Variants in CCDC92B observed in about 807,000 individuals in gnomAD.
The protein encoded by CCDC92B is coiled-coil domain containing 92B, also known as coiled-coil domain-containing 92B.
A neutral mutation model predicts 5.6 loss-of-function variants in CCDC92B; 2 were observed. That is an observed-to-expected ratio of 0.36 (90% CI 0.15 to 1.12). The LOEUF is 1.12. Among genes scored for constraint, CCDC92B ranks in the 50% most tolerant of loss-of-function variants. The pLI is 0.40. For synonymous variants in CCDC92B, 115 were observed against 122.3 expected (o/e 0.94, Z 0.39); for missense variants, 271 against 262.2 (o/e 1.03, Z -0.23).
In CCDC92B at chr17:2,722,511, TG is replaced by T. The variant is rs1222076457; in HGVS notation, c.*1899del. ...TTGGGCAGTCCCGAGTGGCGTCAGCTGGGAGAGCCGCACATTGCTTGGCCCT... is the reference window on the plus strand; with the variant it reads ...TTGGGCAGTCCCGAGTGGCGTCAGCTGGAGAGCCGCACATTGCTTGGCCCT... On this transcript the variant is annotated 3_prime_UTR_variant, in exon 4 of 4. Coordinates refer to ENST00000614400, the MANE Select transcript of CCDC92B (RefSeq NM_001355573.2). The T allele has an allele frequency of 6.6e-6, 1 of 152,248 alleles. No individual in the cohort carries two copies. Among genetic ancestry groups the T allele is most frequent in the Non-Finnish European group, 1.5e-5 (1 of 68,068 alleles). The allele number at this position is 152,248 out of a possible 1,614,324, so 9.4% of individuals were successfully genotyped here.
intron 3 of CCDC92B, among the ~76,000 whole-genome samples, chr17:2,729,272 C>T (rs868703355): frequency 3.9e-5 from 6 of 152,094 alleles, no homozygotes; most frequent in Non-Finnish European, 5.9e-5. Context: ...GGGTGGATCA[C>T]CTGAGGTCAA....
intron 3 of CCDC92B, among the ~76,000 whole-genome samples, chr17:2,727,787 G>A (rs968279136): frequency 2.7e-5 from 4 of 149,952 alleles, no homozygotes; most frequent in Admixed American, 6.7e-5. Flanking sequence ...TCGCGCCACT[G>A]CACTCCAGCC....
At chr17:2,736,194 T>A (rs1424265958) in intron 1 of CCDC92B, among the ~76,000 whole-genome samples, 1 of 151,792 alleles carries the variant, frequency 6.6e-6, no homozygotes, top group Non-Finnish European at 1.5e-5. Context: ...TTTGGGAGCT[T>A]GAGGTGGGAG....
chr17:2,724,501 GCTGCGGGCGCTGGGCCGCAGCGGC>G lies in CCDC92B; in HGVS notation c.654_677del (p.Arg218_Arg225del), dbSNP rs1167324154. 9.2e-6 allele frequency: 9 copies of G among 980,908 alleles called. No individual in the cohort carries two copies. In the African/African-American group the frequency reaches 1.4e-4, roughly 15 times the overall value. 60.8% of individuals were successfully genotyped at this position (980,908 alleles called of 1,614,324 possible). On this transcript the variant is annotated inframe_deletion, in exon 4 of 4. Coordinates refer to ENST00000614400, the MANE Select transcript of CCDC92B (RefSeq NM_001355573.2). This position sits in a 1 kb window ranked among gnomAD's most constrained non-coding sequence, Gnocchi z 5.0. ...GCTCCTGGGGAGGCGGCTGGCGCGG[GCTGCGGGCGCTGGGCCGCAGCGGC>G]CTGCGTGCATAGAGGAAGAGCGCGG...
At chr17:2,734,193 C>G (rs1016541609) in intron 2 of CCDC92B, among the ~76,000 whole-genome samples, 3 of 152,108 alleles carry the variant, frequency 2.0e-5, no homozygotes, top group African/African-American at 7.2e-5. Flanking sequence ...CTCTTCACTC[C>G]CCTTTCTCCT....
At chr17:2,742,875 T>G (rs2070939197) in intron 1 of CCDC92B, among the ~76,000 whole-genome samples, 1 of 152,238 alleles carries the variant, frequency 6.6e-6, no homozygotes, top group Admixed American at 6.6e-5. Context: ...CCACTCATTC[T>G]GTTGCTCAGG....
At chr17:2,726,187 T>A (rs866628882) in intron 3 of CCDC92B, among the ~76,000 whole-genome samples, 2,509 of 9,798 alleles carry the variant, frequency 0.26, 92 homozygotes, top group Middle Eastern at 0.5. Context: ...TATATATTTT[T>A]TTTTTTTTGA....
chr17:2,748,614 C>G, intron 1 of CCDC92B: 1 of 984,898 alleles, frequency 1.0e-6, no homozygotes, highest in Non-Finnish European at 1.2e-6. Flanking sequence ...CTCTGGGAAT[C>G]TCTTGCAAGG....
intron 3 of CCDC92B, among the ~76,000 whole-genome samples, chr17:2,726,182 AT>A (rs71150891): frequency 4.9e-5 from 7 of 142,288 alleles, no homozygotes; most frequent in African/African-American, 1.9e-4. Context: ...ATATATATAT[AT>A]TTTTTTTTTT....
At position 2,720,972 on chromosome 17, in the gene CCDC92B, T is replaced by G. The variant is rs892726197; in HGVS notation, c.*3439A>C. On this transcript the variant is annotated 3_prime_UTR_variant, in exon 4 of 4. Transcript: ENST00000614400. ...GCCCTGCCACAGGGCTCCTGCCAGG[T>G]GGGTTTGAAGCCCTGCACATCCCCC... The G allele has an allele frequency of 2.0e-5, 3 of 152,198 alleles. No individual in the cohort carries two copies. The highest frequency in any genetic ancestry group is 1.3e-4 in the Admixed American group (2 of 15,276). The allele number at this position is 152,198 out of a possible 1,614,324, so 9.4% of individuals were successfully genotyped here.
At chr17:2,747,895 C>G (rs2071006255) in intron 1 of CCDC92B, among the ~76,000 whole-genome samples, 1 of 152,152 alleles carries the variant, frequency 6.6e-6, no homozygotes, top group Admixed American at 6.6e-5. Context: ...TGGTACTGTT[C>G]TTAGCATTTT....
At chr17:2,739,406 C>T (rs916561726) in intron 1 of CCDC92B, among the ~76,000 whole-genome samples, 4 of 150,802 alleles carry the variant, frequency 2.7e-5, no homozygotes, top group Non-Finnish European at 4.4e-5. Context: ...ACAGGCTGGG[C>T]GCGGTGGCTC....
chr17:2,727,685 A>G lies in CCDC92B; in HGVS notation c.179-2685T>C, dbSNP rs565872995. On this transcript the variant is annotated intron_variant, in intron 3 of 3. Coordinates refer to ENST00000614400, the MANE Select transcript of CCDC92B (RefSeq NM_001355573.2). ...CTAAAAATACAAAAATTAGCTGGGT[A>G]TGGTGGTGTGCGCCTGTGATCCCAG... is the stretch of plus-strand genomic sequence containing the variant. Among the ~76,000 whole-genome samples, 272 of 152,156 alleles carry G rather than the reference A, an allele frequency of 1.8e-3. 1 individual carries two copies. The highest frequency in any genetic ancestry group is 3.4e-3 in the Middle Eastern group (1 of 294).
In CCDC92B at chr17:2,727,778, C is replaced by G. The variant is rs10445282; in HGVS notation, c.178+2668G>C. ...GGCGGAGGTTGCAGTGAGCTGAGAT[C>G]GCGCCACTGCACTCCAGCCTGGGCG... On this transcript the variant is annotated intron_variant, in intron 3 of 3. Coordinates refer to ENST00000614400, the MANE Select transcript of CCDC92B (RefSeq NM_001355573.2). Among the ~76,000 whole-genome samples the G allele has an allele frequency of 7.6e-3, 1,134 of 149,910 alleles. 7 individuals carry two copies. Among genetic ancestry groups the G allele is most frequent in the Non-Finnish European group, 0.013 (853 of 67,488 alleles).
At chr17:2,729,357 G>A (rs2070769637) in intron 3 of CCDC92B, among the ~76,000 whole-genome samples, 1 of 152,124 alleles carries the variant, frequency 6.6e-6, no homozygotes, top group Non-Finnish European at 1.5e-5. Context: ...GCCGGTGGAT[G>A]GTGGTGTGCG....
chr17:2,730,352 TG>T, intron 3 of CCDC92B, 93 bp downstream of exon 3: 2 of 695,586 alleles, frequency 2.9e-6, no homozygotes, highest in Non-Finnish European at 3.5e-6. Flanking sequence ...AAGTCTAGGC[TG>T]GGGACAGAGA....
At position 2,721,261 on chromosome 17, in the gene CCDC92B, G is replaced by A. The variant is rs1167557011; in HGVS notation, c.*3150C>T. The A allele has an allele frequency of 6.6e-6, 1 of 152,386 alleles. No homozygotes were observed. The highest frequency in any genetic ancestry group is 1.5e-5 in the Non-Finnish European group (1 of 68,174). The allele number at this position is 152,386 out of a possible 1,614,324, so 9.4% of individuals were successfully genotyped here. A position where few individuals can be genotyped will look rare whatever the true frequency, so the allele number is the denominator to read the frequency against. ...TCCCTGGCTGATTTCCAGAGCAGGGGGAGGTCCCCACCTGCAGCTCTGTGT... is the reference window on the plus strand; with the variant it reads ...TCCCTGGCTGATTTCCAGAGCAGGGAGAGGTCCCCACCTGCAGCTCTGTGT... On this transcript the variant is annotated 3_prime_UTR_variant, in exon 4 of 4. Transcript: ENST00000614400.
chr17:2,743,629 C>T (rs2070949582), intron 1 of CCDC92B, among the ~76,000 whole-genome samples: 1 of 152,168 alleles, frequency 6.6e-6, no homozygotes. Flanking sequence ...TGAATGTGCC[C>T]AGCACACTCT....
chr17:2,726,580 G>A (rs1190374542), intron 3 of CCDC92B, among the ~76,000 whole-genome samples: 1 of 152,048 alleles, frequency 6.6e-6, no homozygotes, highest in African/African-American at 2.4e-5. Flanking sequence ...GCCTCCCAAA[G>A]TGCTGGGATT....
Sources: allele counts gnomAD v4.1 joint callset (sites outside exome capture counted in the v4.1 genomes callset), GRCh38; gene constraint gnomAD v4.1.1; non-coding constraint Gnocchi (gnomAD v3.1); transcripts MANE v1.5; gene names NCBI Gene and HGNC (gene_info 2026-07-23, HGNC 2026-07-21).